HMBOX1: variants seen among roughly 807,000 people sequenced by gnomAD.
HMBOX1 encodes the protein homeobox-containing protein 1.
HMBOX1 carries 14 observed loss-of-function variants against 54.5 expected under a neutral mutation model. The observed-to-expected ratio is 0.26, with a 90% CI of 0.17 to 0.40. The LOEUF is 0.40. Ranked by LOEUF, HMBOX1 falls within the 10% of genes least tolerant of loss-of-function variation. The pLI, the probability that HMBOX1 is intolerant of heterozygous loss-of-function variation, is 1.00. For missense variants in HMBOX1, 332 were observed against 514.4 expected (o/e 0.65, Z 3.43); for synonymous variants, 160 against 181.0 (o/e 0.88, Z 0.93).
chr8:28,951,424 C>T (rs575511628), intron 1 of HMBOX1, among the ~76,000 whole-genome samples: 1 of 152,312 alleles, frequency 6.6e-6, no homozygotes, highest in East Asian at 1.9e-4. Flanking sequence ...AGCCACTGCG[C>T]CCGGCCCAAA....
intron 5 of HMBOX1, among the ~76,000 whole-genome samples, chr8:29,013,107 G>A (rs1337994590): frequency 1.3e-5 from 2 of 152,156 alleles, no homozygotes; most frequent in South Asian, 2.1e-4. Context: ...GGGCGTTGGA[G>A]CATTTCTCTT....
chr8:28,976,885 T>G (rs1220065217), intron 3 of HMBOX1, among the ~76,000 whole-genome samples: 1 of 151,930 alleles, frequency 6.6e-6, no homozygotes, highest in Non-Finnish European at 1.5e-5. Context: ...TTTAAAATAT[T>G]TTTGGTAGAG....
intron 4 of HMBOX1, among the ~76,000 whole-genome samples, chr8:28,993,342 CTG>C (rs1269949076): frequency 6.6e-6 from 1 of 151,990 alleles, no homozygotes; most frequent in Non-Finnish European, 1.5e-5. Flanking sequence ...AAAGTTTTGA[CTG>C]TGTAATTTAT....
At chr8:29,006,978 T>C (rs1833542747) in intron 4 of HMBOX1, among the ~76,000 whole-genome samples, 1 of 152,116 alleles carries the variant, frequency 6.6e-6, no homozygotes. Context: ...ATGGTGGTTG[T>C]TTTCTTCACC....
At chr8:28,914,287 A>G (rs1245084754) in intron 1 of HMBOX1, among the ~76,000 whole-genome samples, 2 of 152,224 alleles carry the variant, frequency 1.3e-5, no homozygotes, top group Non-Finnish European at 2.9e-5. Context: ...CGAGAATTTT[A>G]TAAACCTGCA....
At chr8:29,013,229 G>C (rs1474262676) in intron 5 of HMBOX1, among the ~76,000 whole-genome samples, 1 of 152,098 alleles carries the variant, frequency 6.6e-6, no homozygotes, top group Non-Finnish European at 1.5e-5. Context: ...TCTGCCTTTC[G>C]GGTTCAAGCA....
intron 4 of HMBOX1, among the ~76,000 whole-genome samples, chr8:28,994,900 G>A (rs1474466894): frequency 6.6e-6 from 1 of 152,168 alleles, no homozygotes; most frequent in Non-Finnish European, 1.5e-5. Context: ...TTAATTGCAA[G>A]AGATCAGGGG....
chr8:29,046,428 A>G (rs1805567369), intron 7 of HMBOX1: 1 of 152,214 alleles, frequency 6.6e-6, no homozygotes, highest in Admixed American at 6.5e-5. Context: ...TGAGGAGGAA[A>G]TGTTACAGGG....
intron 1 of HMBOX1, among the ~76,000 whole-genome samples, chr8:28,944,014 C>T (rs1563437746): frequency 1.3e-5 from 2 of 152,148 alleles, no homozygotes; most frequent in Non-Finnish European, 1.5e-5. Flanking sequence ...TACAGAGACA[C>T]CTTCTTGGCT....
At chr8:28,987,428 A>C (rs541765145) in intron 4 of HMBOX1, among the ~76,000 whole-genome samples, 1 of 152,204 alleles carries the variant, frequency 6.6e-6, no homozygotes, top group Non-Finnish European at 1.5e-5. Context: ...CCAGTAAGAA[A>C]GTCACAAGGT....
intron 1 of HMBOX1, chr8:28,955,960 A>AG (rs1824355573): frequency 1.2e-5 from 1 of 85,434 alleles, no homozygotes; most frequent in East Asian, 3.8e-4. Context: ...CTAGGAAAAA[A>AG]AAAAAAAAAA....
chr8:28,909,441 A>G (rs1476299573), intron 1 of HMBOX1, among the ~76,000 whole-genome samples: 1 of 152,210 alleles, frequency 6.6e-6, no homozygotes, highest in Non-Finnish European at 1.5e-5. Flanking sequence ...TGCTATTAAA[A>G]TTTCTAAACA....
intron 6 of HMBOX1, among the ~76,000 whole-genome samples, chr8:29,025,980 C>T (rs1466922223): frequency 1.3e-5 from 2 of 151,168 alleles, no homozygotes; most frequent in Non-Finnish European, 2.9e-5. Flanking sequence ...TCATCATGAA[C>T]GGAAATGAGG....
At chr8:28,899,357 TC>T (rs1812770076) in intron 1 of HMBOX1, among the ~76,000 whole-genome samples, 1 of 152,208 alleles carries the variant, frequency 6.6e-6, no homozygotes, top group African/African-American at 2.4e-5. Context: ...TTTTGTCCCA[TC>T]ATTAAGATCT....
intron 1 of HMBOX1, among the ~76,000 whole-genome samples, chr8:28,900,327 T>A (rs1462367662): frequency 6.8e-6 from 1 of 147,746 alleles, no homozygotes; most frequent in Non-Finnish European, 1.5e-5. Flanking sequence ...ATTCCTAAAA[T>A]CTGAGATGGG....
At chr8:28,960,975 C>G (rs953748276) in intron 1 of HMBOX1, among the ~76,000 whole-genome samples, 2 of 151,324 alleles carry the variant, frequency 1.3e-5, no homozygotes, top group East Asian at 3.9e-4. Flanking sequence ...TTGGTAGAGA[C>G]GGGGTTTCAC....
intron 3 of HMBOX1, among the ~76,000 whole-genome samples, chr8:28,971,329 G>T (rs911025988): frequency 2.6e-5 from 4 of 152,002 alleles, no homozygotes; most frequent in Non-Finnish European, 4.4e-5. Flanking sequence ...GATCTCAGGT[G>T]ATCCACCCGC....
intron 4 of HMBOX1, 85 bp downstream of exon 4, chr8:28,980,241 G>T: frequency 1.0e-6 from 1 of 964,640 alleles, no homozygotes; most frequent in Non-Finnish European, 1.7e-6. Flanking sequence ...TTGCATTTCT[G>T]CATTGCAGTG....
intron 4 of HMBOX1, among the ~76,000 whole-genome samples, chr8:29,002,774 A>G (rs2132740356): frequency 6.6e-6 from 1 of 152,266 alleles, no homozygotes; most frequent in South Asian, 2.1e-4. Context: ...TTCTGTCTAT[A>G]GTGTGGTTTC....
Sources: gnomAD v4.1 joint callset for allele counts (sites outside exome capture counted in the v4.1 genomes callset) on GRCh38, gnomAD v4.1.1 for gene constraint, MANE v1.5 for transcripts, NCBI Gene and HGNC (gene_info 2026-07-23, HGNC 2026-07-21) for gene names.